DPP10: variants seen among roughly 807,000 people sequenced by gnomAD.
DPP10 encodes dipeptidyl peptidase like 10, also known as inactive dipeptidyl peptidase 10.
In DPP10, 33 loss-of-function variants were observed where a neutral mutation model predicts 120.9. That is an observed-to-expected ratio of 0.27 (90% CI 0.21 to 0.37). DPP10 has a LOEUF of 0.37. DPP10 is among the 10% of genes least tolerant of loss of function. The pLI is 1.00. For synonymous variants in DPP10, 337 were observed against 326.1 expected (o/e 1.03, Z -0.36); for missense variants, 816 against 942.8 (o/e 0.87, Z 1.76).
chr2:115,643,288 T>C (rs955704778), intron 5 of DPP10, among the ~76,000 whole-genome samples: 39 of 152,198 alleles, frequency 2.6e-4, no homozygotes, highest in African/African-American at 8.7e-4. Context: ...TCTTAATTGC[T>C]CAAGACACTC....
chr2:115,136,311 G>A (rs1015585894), intron 1 of DPP10, among the ~76,000 whole-genome samples: 6 of 152,112 alleles, frequency 3.9e-5, no homozygotes, highest in Admixed American at 6.6e-5. Flanking sequence ...ATGGAAGAGC[G>A]CACCTGTGTG....
intron 5 of DPP10, among the ~76,000 whole-genome samples, chr2:115,552,420 C>T (rs2079932953): frequency 6.6e-6 from 1 of 152,060 alleles, no homozygotes; most frequent in Admixed American, 6.6e-5. Context: ...TTCATGAAGG[C>T]TCCTTCCAGA....
At chr2:115,248,354 A>C (rs2058622265) in intron 1 of DPP10, among the ~76,000 whole-genome samples, 1 of 152,090 alleles carries the variant, frequency 6.6e-6, no homozygotes, top group African/African-American at 2.4e-5. Flanking sequence ...TCGTGGTTTT[A>C]AACTATAGTT....
At chr2:114,790,546 C>A (rs931716138) in intron 1 of DPP10, among the ~76,000 whole-genome samples, 10 of 152,088 alleles carry the variant, frequency 6.6e-5, no homozygotes, top group African/African-American at 2.2e-4. Context: ...CACCTGGGTG[C>A]AGGCGGGCTG....
intron 1 of DPP10, among the ~76,000 whole-genome samples, chr2:115,261,951 G>T (rs1456048129): frequency 6.6e-6 from 1 of 152,148 alleles, no homozygotes; most frequent in Non-Finnish European, 1.5e-5. Flanking sequence ...GCTGCAGACA[G>T]TTGACAAGGG....
intron 1 of DPP10, among the ~76,000 whole-genome samples, chr2:114,663,064 A>G (rs1697553468): frequency 6.6e-6 from 1 of 152,150 alleles, no homozygotes; most frequent in African/African-American, 2.4e-5. Flanking sequence ...ATATATGTGT[A>G]TACATGTACA....
chr2:115,135,260 ATG>A (rs2050595288), intron 1 of DPP10, among the ~76,000 whole-genome samples: 2 of 143,572 alleles, frequency 1.4e-5, no homozygotes, highest in African/African-American at 5.1e-5. Context: ...ATATATATAT[ATG>A]AGCAAATAGA....
At chr2:115,771,750 C>T (rs1479638596) in intron 13 of DPP10, among the ~76,000 whole-genome samples, 1 of 152,178 alleles carries the variant, frequency 6.6e-6, no homozygotes, top group South Asian at 2.1e-4. Flanking sequence ...AGCCAACAGT[C>T]AGCCAGGTCA....
At position 115,815,613 on chromosome 2, in the gene DPP10, A is replaced by G. The variant is rs1429086099; in HGVS notation, c.1896-62A>G. The G allele has an allele frequency of 7.0e-6, 10 of 1,422,122 alleles. No homozygotes were observed. The East Asian group carries it at 1.4e-4, about 20-fold the overall frequency. 88.1% of individuals were successfully genotyped at this position (1,422,122 alleles called of 1,614,324 possible). On this transcript the variant is annotated intron_variant, in intron 20 of 25. Coordinates refer to ENST00000410059, the MANE Select transcript of DPP10 (RefSeq NM_020868.6). ...TGTTTTGTATGTATGCATGCCAACTATATATTTATATTTGCATTTAACTCA... is the reference window on the plus strand; with the variant it reads ...TGTTTTGTATGTATGCATGCCAACTGTATATTTATATTTGCATTTAACTCA...
chr2:115,347,646 T>A (rs931499520), intron 3 of DPP10, among the ~76,000 whole-genome samples: 2 of 151,938 alleles, frequency 1.3e-5, no homozygotes, highest in Admixed American at 1.3e-4. Flanking sequence ...CCCTACCCCC[T>A]GACAGGCCCT....
At chr2:114,732,316 T>C (rs190904293) in intron 1 of DPP10, among the ~76,000 whole-genome samples, 6 of 152,246 alleles carry the variant, frequency 3.9e-5, no homozygotes, top group East Asian at 1.9e-4. Flanking sequence ...AGGGGAGAAG[T>C]TGTGGATGCC....
At chr2:115,137,813 G>T (rs906541391) in intron 1 of DPP10, among the ~76,000 whole-genome samples, 3 of 152,138 alleles carry the variant, frequency 2.0e-5, no homozygotes, top group Non-Finnish European at 4.4e-5. Context: ...TACCTTCTAG[G>T]TACACCTGTG....
At chr2:115,780,807 G>T (rs1682665638) in intron 15 of DPP10, 67 bp from the exon 16 acceptor site, 2 of 1,426,748 alleles carry the variant, frequency 1.4e-6, no homozygotes, top group South Asian at 1.4e-5. Context: ...ATTTAAATAT[G>T]AACACCACAC....
chr2:115,753,252 C>T lies in DPP10; in HGVS notation c.1029C>T (p.Ile343=), dbSNP rs1678978068. The T allele has an allele frequency of 6.2e-7, 1 of 1,611,920 alleles. No individual in the cohort carries two copies. Among genetic ancestry groups the T allele is most frequent in the Admixed American group, 1.7e-5 (1 of 59,912 alleles). Residue 343 remains isoleucine (I), a synonymous_variant, in exon 11 of 26, where the codon ATC becomes ATT. Transcript: ENST00000410059. The part of the protein sequence containing the change: ...VVRWLNRAQN[I]SILTVCETTT... Reference sequence around the variant, plus strand: ...GATGGTTAAACCGAGCTCAGAACATCTCCATCCTCACAGTCTGTGAGACCA... The same window carrying T: ...GATGGTTAAACCGAGCTCAGAACATTTCCATCCTCACAGTCTGTGAGACCA...
At chr2:114,692,382 A>C (rs1008934029) in intron 1 of DPP10, among the ~76,000 whole-genome samples, 1 of 151,888 alleles carries the variant, frequency 6.6e-6, no homozygotes, top group African/African-American at 2.4e-5. Flanking sequence ...TTTCCATTTG[A>C]TGGTGTGGCT....
intron 1 of DPP10, among the ~76,000 whole-genome samples, chr2:114,610,652 A>G (rs1305675668): frequency 3.9e-5 from 6 of 152,134 alleles, no homozygotes; most frequent in Non-Finnish European, 8.8e-5. Context: ...AAAGCCAGAC[A>G]TAACCCAAGA....
rs2060664834 is a variant in DPP10, at chr2:115,291,744, A to T, written c.61-17495A>T. Among the ~76,000 whole-genome samples, 3 of 152,254 alleles carry T rather than the reference A, an allele frequency of 2.0e-5. 1 individual carries two copies. The highest frequency in any genetic ancestry group is 7.2e-5 in the African/African-American group (3 of 41,550). On this transcript the variant is annotated intron_variant, in intron 1 of 25. Transcript: ENST00000410059. ...TTTTCAGAACTGATCTTTTGTGACG[A>T]TGGAATGGTCACTGACCAGATCCTT...
chr2:114,757,851 G>A (rs1329357655), intron 1 of DPP10, among the ~76,000 whole-genome samples: 2 of 152,092 alleles, frequency 1.3e-5, no homozygotes, highest in Non-Finnish European at 2.9e-5. Context: ...GTAGATAAAA[G>A]TCGACTTACT....
intron 5 of DPP10, among the ~76,000 whole-genome samples, chr2:115,642,374 T>C (rs2086856744): frequency 6.6e-6 from 1 of 152,114 alleles, no homozygotes; most frequent in Non-Finnish European, 1.5e-5. Context: ...GTGGGTGGGC[T>C]CATCCATTAG....
Sources: gnomAD v4.1 joint callset for allele counts (sites outside exome capture counted in the v4.1 genomes callset) on GRCh38, gnomAD v4.1.1 for gene constraint, MANE v1.5 for transcripts, NCBI Gene and HGNC (gene_info 2026-07-23, HGNC 2026-07-21) for gene names.